UGT1A7: variants seen among roughly 807,000 people sequenced by gnomAD.
The protein encoded by UGT1A7 is UDP-glucuronosyltransferase 1A7.
UGT1A7 carries 33 observed loss-of-function variants against 45.6 expected under a neutral mutation model. The ratio of observed to expected loss-of-function variants is 0.72; its 90% CI spans 0.55 to 0.97. UGT1A7 has a LOEUF of 0.97. UGT1A7 is among the 50% of genes least tolerant of loss of function. UGT1A7 has a pLI of 0.00. For synonymous variants in UGT1A7, 274 were observed against 250.6 expected (o/e 1.09, Z -0.88); for missense variants, 684 against 666.2 (o/e 1.03, Z -0.29).
chr2:233,709,020 G>A (rs2076052860), intron 1 of UGT1A7, among the ~76,000 whole-genome samples: 2 of 152,236 alleles, frequency 1.3e-5, no homozygotes, highest in South Asian at 4.1e-4. Flanking sequence ...TACCCAAGCA[G>A]CAGGGGCTTC....
chr2:233,693,414 ACTT>A (rs749598599), intron 1 of UGT1A7: 2 of 1,614,132 alleles, frequency 1.2e-6, no homozygotes, highest in East Asian at 4.5e-5. Context: ...GACACCCTGA[ACTT>A]CTTTAAGGAG....
rs28898579 is a variant in UGT1A7 at position 233,699,172 on chromosome 2, G to C, written c.855+16380G>C. On this transcript the variant is annotated intron_variant, in intron 1 of 4. Transcript: ENST00000373426. ...TTGCAACCTTTCTGTCTGTCTCTCT[G>C]ATCCTCACTTCTTCTTCAGAATCTC... Among the ~76,000 whole-genome samples the C allele has an allele frequency of 1.0e-2, 1,519 of 152,080 alleles. 36 individuals are homozygous for C. The highest frequency in any genetic ancestry group is 0.034 in the African/African-American group (1,425 of 41,468).
rs879478240 is a variant in UGT1A7, at chr2:233,725,179, G to GAGAGGC, written c.856-41819_856-41814dup. On this transcript the variant is annotated intron_variant, in intron 1 of 4. Coordinates refer to ENST00000373426, the MANE Select transcript of UGT1A7 (RefSeq NM_019077.3). ...CTCTGCATGAGAGGGAGACCGTGGGGAGAGGCAGAGGCAGAGGCAGAGGCA... is the reference window on the plus strand; with the variant it reads ...CTCTGCATGAGAGGGAGACCGTGGGGAGAGGCAGAGGCAGAGGCAGAGGCAGAGGCA... Among the ~76,000 whole-genome samples the GAGAGGC allele has an allele frequency of 9.9e-4, 67 of 67,614 alleles. 14 individuals carry two copies. The highest frequency in any genetic ancestry group is 3.6e-3 in the East Asian group (12 of 3,306). 44.4% of individuals were successfully genotyped at this position (67,614 alleles called of 152,430 possible). A position where few individuals can be genotyped will look rare whatever the true frequency, so the allele number is the denominator to read the frequency against.
chr2:233,719,247 G>T, intron 1 of UGT1A7: 1 of 1,614,186 alleles, frequency 6.2e-7, no homozygotes, highest in African/African-American at 1.3e-5. Context: ...GCACCTGAAT[G>T]CTACTTCCTT....
chr2:233,690,011 T>C (rs913512213), intron 1 of UGT1A7: 3 of 442,948 alleles, frequency 6.8e-6, no homozygotes, highest in African/African-American at 4.1e-5. Flanking sequence ...TCTCACCATT[T>C]TGGACCTTCC....
chr2:233,760,275 G>C (rs2125981686), intron 1 of UGT1A7: 1 of 1,612,542 alleles, frequency 6.2e-7, no homozygotes, highest in African/African-American at 1.3e-5. Context: ...CCTCTGGCAG[G>C]AGCAAAGGCG....
At chr2:233,746,832 T>C (rs1693484231) in intron 1 of UGT1A7, among the ~76,000 whole-genome samples, 1 of 151,782 alleles carries the variant, frequency 6.6e-6, no homozygotes, top group Admixed American at 6.5e-5. Context: ...CCTACCACTG[T>C]TGGGGACCTC....
At chr2:233,691,910 T>C (rs1422473663) in intron 1 of UGT1A7, 1 of 152,836 alleles carries the variant, frequency 6.5e-6, no homozygotes, top group East Asian at 1.9e-4. Context: ...CCTGAAACCA[T>C]AAGTGGTGGG....
chr2:233,731,097 CT>C (rs1455789609), intron 1 of UGT1A7, among the ~76,000 whole-genome samples: 1 of 151,946 alleles, frequency 6.6e-6, no homozygotes, highest in South Asian at 2.1e-4. Flanking sequence ...ATTTCTGTGC[CT>C]TTTTTATAAA....
intron 1 of UGT1A7, chr2:233,743,733 G>A (rs949975964): frequency 8.8e-6 from 12 of 1,367,248 alleles, no homozygotes; most frequent in Admixed American, 7.6e-5. Flanking sequence ...TAGATATCGC[G>A]TTTCTTGGCG....
chr2:233,769,857 CAAAA>C lies in UGT1A7; in HGVS notation c.1295+1432_1295+1435del, dbSNP rs879204025. On this transcript the variant is annotated intron_variant, in intron 4 of 4. Coordinates refer to ENST00000373426, the MANE Select transcript of UGT1A7 (RefSeq NM_019077.3). This position sits in a 1 kb window ranked among gnomAD's most constrained non-coding sequence, Gnocchi z 4.4. ...TGGGCAACAGAGTGAGACCCTGTCTCAAAAAAAAAAAAAAAAATGAAAAGTCCAC... is the reference window on the plus strand; with the variant it reads ...TGGGCAACAGAGTGAGACCCTGTCTCAAAAAAAAAAAAATGAAAAGTCCAC... The C allele has an allele frequency of 2.0e-3, 458 of 223,780 alleles. No individual in the cohort carries two copies. Among genetic ancestry groups the C allele is most frequent in the Middle Eastern group, 6.2e-3 (5 of 804 alleles). The allele number at this position is 223,780 out of a possible 1,614,324, so 13.9% of individuals were successfully genotyped here. A position where few individuals can be genotyped will look rare whatever the true frequency, so the allele number is the denominator to read the frequency against.
chr2:233,766,357 C>T (rs1461708777), intron 1 of UGT1A7, among the ~76,000 whole-genome samples: 1 of 152,122 alleles, frequency 6.6e-6, no homozygotes, highest in Non-Finnish European at 1.5e-5. Flanking sequence ...CCTGCCGGTG[C>T]CTGTTGGTGA....
intron 1 of UGT1A7, chr2:233,719,745 G>A: frequency 6.2e-7 from 1 of 1,612,936 alleles, no homozygotes; most frequent in Non-Finnish European, 8.5e-7. Flanking sequence ...TTTAAAAAAT[G>A]TATTTACTTA....
intron 1 of UGT1A7, among the ~76,000 whole-genome samples, chr2:233,705,801 AATT>A (rs1432798810): frequency 6.6e-6 from 1 of 152,156 alleles, no homozygotes; most frequent in Non-Finnish European, 1.5e-5. Context: ...CTTGTTCAAA[AATT>A]ATTAAGAATT....
Position 233,754,628 on chromosome 2 carries a change from C to T in UGT1A7, c.856-12406C>T, listed in dbSNP as rs183484892. ...ACTCTCCATCTTCCTCCACTTCCAC[C>T]CTTTCTTGGCCATTCTCAATGATTC... On this transcript the variant is annotated intron_variant, in intron 1 of 4. Coordinates refer to ENST00000373426, the MANE Select transcript of UGT1A7 (RefSeq NM_019077.3). The T allele has an allele frequency of 4.7e-3, 2,102 of 443,188 alleles. 38 individuals are homozygous for T. The highest frequency in any genetic ancestry group is 0.023 in the South Asian group (1,446 of 63,040). 27.5% of individuals were successfully genotyped at this position (443,188 alleles called of 1,614,324 possible). A position where few individuals can be genotyped will look rare whatever the true frequency, so the allele number is the denominator to read the frequency against.
intron 1 of UGT1A7, among the ~76,000 whole-genome samples, chr2:233,703,995 G>T: frequency 6.6e-6 from 1 of 151,778 alleles, no homozygotes. Context: ...GGTTCAAGCA[G>T]TTCTCCCACC....
chr2:233,682,061 C>A lies in UGT1A7; in HGVS notation c.124C>A (p.Gln42Lys). 2 of 1,614,098 alleles carry A rather than the reference C, an allele frequency of 1.2e-6. No homozygotes were observed. The highest frequency in any genetic ancestry group is 1.1e-5 in the South Asian group (1 of 91,078). ...PMDGSHWFTM[Q>K]SVVEKLILRG... ...GGATGGGAGCCACTGGTTCACCATGCAGTCGGTGGTGGAGAAACTCATCCT... is the reference window on the plus strand; with the variant it reads ...GGATGGGAGCCACTGGTTCACCATGAAGTCGGTGGTGGAGAAACTCATCCT... The change falls in exon 1 of 5, where the codon CAG (glutamine) becomes AAG (lysine). Residue 42 changes from glutamine (Q) to lysine (K), a missense_variant. Coordinates refer to ENST00000373426, the MANE Select transcript of UGT1A7 (RefSeq NM_019077.3).
chr2:233,771,755 C>T (rs1253888254), intron 4 of UGT1A7: 1 of 153,306 alleles, frequency 6.5e-6, no homozygotes, highest in South Asian at 2.1e-4. Flanking sequence ...TTTCTCCCTT[C>T]CTTCCTCCGT....
intron 1 of UGT1A7, among the ~76,000 whole-genome samples, chr2:233,683,909 C>A (rs2074656150): frequency 6.6e-6 from 1 of 152,114 alleles, no homozygotes; most frequent in East Asian, 1.9e-4. Context: ...TTTGGCGGAG[C>A]ATATAGTTCC....
Sources: allele counts gnomAD v4.1 joint callset (sites outside exome capture counted in the v4.1 genomes callset), GRCh38; gene constraint gnomAD v4.1.1; non-coding constraint Gnocchi (gnomAD v3.1); transcripts MANE v1.5; gene names NCBI Gene and HGNC (gene_info 2026-07-23, HGNC 2026-07-21).